BACH2: variants seen among roughly 807,000 people sequenced by gnomAD.
The protein encoded by BACH2 is BACH transcriptional regulator 2.
BACH2 carries 5 observed loss-of-function variants against 61.8 expected under a neutral mutation model. The ratio of observed to expected loss-of-function variants is 0.08; its 90% confidence interval spans 0.04 to 0.17. The LOEUF is 0.17. Ranked by LOEUF, BACH2 falls within the 10% of genes least tolerant of loss-of-function variation. The probability of loss-of-function intolerance (pLI) is 1.00; values close to 1 mark genes in which losing one functional copy is unlikely to be tolerated. For missense variants in BACH2, 824 were observed against 1,091.1 expected (o/e 0.76, Z 3.45); for synonymous variants, 446 against 440.1 (o/e 1.01, Z -0.17).
chr6:90,186,022 A>C (rs898528439), intron 4 of BACH2, among the ~76,000 whole-genome samples: 1 of 152,100 alleles, frequency 6.6e-6, no homozygotes, highest in Non-Finnish European at 1.5e-5. Context: ...CTTTTAAAAA[A>C]TTTTTTTGCA....
chr6:89,935,793 G>A (rs1005670880), intron 8 of BACH2, among the ~76,000 whole-genome samples: 2 of 152,134 alleles, frequency 1.3e-5, no homozygotes, highest in African/African-American at 4.8e-5. Flanking sequence ...TCAAATGTGG[G>A]TGACTGAAGT....
At chr6:90,092,914 C>T (rs1038940660) in intron 4 of BACH2, among the ~76,000 whole-genome samples, 1 of 152,084 alleles carries the variant, frequency 6.6e-6, no homozygotes, top group African/African-American at 2.4e-5. Flanking sequence ...GAAGTAATCC[C>T]TCCTGGAGGC....
intron 4 of BACH2, among the ~76,000 whole-genome samples, chr6:90,174,742 T>C (rs895242947): frequency 2.6e-5 from 4 of 152,180 alleles, no homozygotes; most frequent in African/African-American, 9.6e-5. Flanking sequence ...TGAAAATGAA[T>C]GAACTAAAGT....
At chr6:89,983,679 T>C (rs1776080997) in intron 6 of BACH2, among the ~76,000 whole-genome samples, 1 of 151,978 alleles carries the variant, frequency 6.6e-6, no homozygotes, top group Non-Finnish European at 1.5e-5. Context: ...AAAAAATAAA[T>C]AAATAAAATA....
chr6:90,211,359 C>A (rs1769343222), intron 3 of BACH2, among the ~76,000 whole-genome samples: 1 of 151,982 alleles, frequency 6.6e-6, no homozygotes, highest in Admixed American at 6.6e-5. Context: ...CATCCTATGG[C>A]TTCTCTGAGG....
At chr6:90,255,726 G>A (rs1444695538) in intron 2 of BACH2, among the ~76,000 whole-genome samples, 2 of 152,218 alleles carry the variant, frequency 1.3e-5, no homozygotes, top group East Asian at 3.8e-4. Flanking sequence ...TCATTCATTT[G>A]TATTAGAGAA....
intron 6 of BACH2, among the ~76,000 whole-genome samples, chr6:89,963,892 G>A (rs1774892742): frequency 6.6e-6 from 1 of 152,198 alleles, no homozygotes; most frequent in African/African-American, 2.4e-5. Flanking sequence ...AGAAAATCCT[G>A]TCACGTGTTC....
intron 6 of BACH2, among the ~76,000 whole-genome samples, chr6:89,967,989 T>TC (rs1311974282): frequency 6.6e-6 from 1 of 152,182 alleles, no homozygotes; most frequent in Non-Finnish European, 1.5e-5. Context: ...CCAAATCTAC[T>TC]CCCTTTTCAG....
At chr6:90,077,142 C>T (rs1781507530) in intron 5 of BACH2, among the ~76,000 whole-genome samples, 1 of 152,124 alleles carries the variant, frequency 6.6e-6, no homozygotes, top group Non-Finnish European at 1.5e-5. Context: ...AAGGAGCACA[C>T]AGTGTATCCA....
intron 3 of BACH2, among the ~76,000 whole-genome samples, chr6:90,225,706 C>T (rs894312769): frequency 6.6e-6 from 1 of 152,184 alleles, no homozygotes; most frequent in Non-Finnish European, 1.5e-5. Flanking sequence ...AGCAAACCAC[C>T]ATGCCACACA....
At chr6:89,968,061 T>C (rs749105619) in intron 6 of BACH2, among the ~76,000 whole-genome samples, 2 of 152,252 alleles carry the variant, frequency 1.3e-5, no homozygotes, top group Non-Finnish European at 2.9e-5. Flanking sequence ...TACTAGCATT[T>C]GCCCAAGCCA....
chr6:90,189,435 C>G (rs546468674), intron 4 of BACH2, among the ~76,000 whole-genome samples: 2 of 151,578 alleles, frequency 1.3e-5, no homozygotes, highest in African/African-American at 4.8e-5. Context: ...GGTGAAACCC[C>G]GTATCTACTA....
chr6:90,074,036 T>C (rs538385674), intron 5 of BACH2, among the ~76,000 whole-genome samples: 5 of 152,350 alleles, frequency 3.3e-5, no homozygotes, highest in African/African-American at 9.6e-5. Context: ...TTATAAATTA[T>C]AGTGCATGCA....
chr6:90,268,287 T>C (rs151082741), intron 2 of BACH2, among the ~76,000 whole-genome samples: 30 of 152,282 alleles, frequency 2.0e-4, no homozygotes, highest in South Asian at 4.1e-4. Flanking sequence ...ATTACAGCCA[T>C]GAACCACTGT....
intron 1 of BACH2, among the ~76,000 whole-genome samples, chr6:90,295,528 AC>A (rs1772318602): frequency 6.6e-6 from 1 of 151,732 alleles, no homozygotes; most frequent in Non-Finnish European, 1.5e-5. Flanking sequence ...GCTCCCGAAC[AC>A]CCGCCGGGTG....
At chr6:90,189,437 T>C (rs1007777117) in intron 4 of BACH2, among the ~76,000 whole-genome samples, 18 of 151,716 alleles carry the variant, frequency 1.2e-4, no homozygotes, top group African/African-American at 4.4e-4. Context: ...TGAAACCCCG[T>C]ATCTACTAAA....
rs1018206957 is a variant in BACH2 at position 90,270,011 on chromosome 6, T to C, written c.-353+1838A>G. Among the ~76,000 whole-genome samples, 8 of 152,324 alleles carry C rather than the reference T, an allele frequency of 5.3e-5. No individual in the cohort carries two copies. In the East Asian group the frequency reaches 1.5e-3, roughly 29 times the overall value. On this transcript the variant is annotated intron_variant, in intron 2 of 8. Transcript: ENST00000257749. ...GTTTTCCATTCCTGAGTTACTTCAC[T>C]TAGGATAATGGTCTCCAATTCCATC...
At chr6:90,070,493 A>G (rs190402061) in intron 5 of BACH2, among the ~76,000 whole-genome samples, 9 of 152,280 alleles carry the variant, frequency 5.9e-5, no homozygotes, top group Non-Finnish European at 1.2e-4. Context: ...CAGACACAGC[A>G]TGGCGGTTGG....
rs946350679 is a variant in BACH2, at chr6:89,930,736, A to G, written c.*1672T>C. 1.3e-5 allele frequency: 2 copies of G among 152,812 alleles called. No homozygotes were observed. The highest frequency in any genetic ancestry group is 2.9e-5 in the Non-Finnish European group (2 of 68,028). The allele number at this position is 152,812 out of a possible 1,614,324, so 9.5% of individuals were successfully genotyped here. The stretch of plus-strand genomic sequence containing the variant: ...AATTATCATCAGGTGAGGGTAGGGT[A>G]TGTGTGTGATTCGGGAAGGGGACAG... On this transcript the variant is annotated 3_prime_UTR_variant, in exon 9 of 9. Transcript: ENST00000257749.
Sources: allele counts gnomAD v4.1 joint callset (sites outside exome capture counted in the v4.1 genomes callset), GRCh38; gene constraint gnomAD v4.1.1; transcripts MANE v1.5; gene names NCBI Gene and HGNC (gene_info 2026-07-23, HGNC 2026-07-21).